The following ENPP6 variants were observed in gnomAD, a reference collection of about 807,000 sequenced individuals.
ENPP6 encodes the protein ectonucleotide pyrophosphatase/phosphodiesterase 6.
A neutral mutation model predicts 42.0 loss-of-function variants in ENPP6; 32 were observed. The ratio of observed to expected loss-of-function variants is 0.76; its 90% CI spans 0.58 to 1.02. The LOEUF is 1.02. ENPP6 is among the 50% of genes least tolerant of loss of function. The probability of loss-of-function intolerance (pLI) is 0.00; values close to 1 mark genes in which losing one functional copy is unlikely to be tolerated. For synonymous variants in ENPP6, 213 were observed against 216.0 expected (o/e 0.99, Z 0.12); for missense variants, 552 against 566.8 (o/e 0.97, Z 0.27).
chr4:184,152,603 C>T (rs185089469), intron 2 of ENPP6, among the ~76,000 whole-genome samples: 3 of 152,290 alleles, frequency 2.0e-5, no homozygotes, highest in African/African-American at 4.8e-5. Context: ...TCTATTGCCA[C>T]GGGCGTGGGA....
At chr4:184,208,264 G>T (rs1226249416) in intron 1 of ENPP6, among the ~76,000 whole-genome samples, 1 of 152,128 alleles carries the variant, frequency 6.6e-6, no homozygotes, top group Non-Finnish European at 1.5e-5. Flanking sequence ...AACAGCTCTG[G>T]TCTACAGCTC....
intron 2 of ENPP6, among the ~76,000 whole-genome samples, chr4:184,131,140 A>T (rs116624415): frequency 0.06 from 7,291 of 121,718 alleles, 482 homozygotes; most frequent in African/African-American, 0.13. Flanking sequence ...ACCAGCACTT[A>T]CTTTCTTTCT....
In ENPP6 at chr4:184,182,269, A is replaced by G. The variant is rs1048318409; in HGVS notation, c.242-28536T>C. ...ACAAACATAAGGGAAATAGCTCAACATCACTGATCATTAGAGAAATGCAAA... is the reference window on the plus strand; with the variant it reads ...ACAAACATAAGGGAAATAGCTCAACGTCACTGATCATTAGAGAAATGCAAA... On this transcript the variant is annotated intron_variant, in intron 1 of 7. Coordinates refer to ENST00000296741, the MANE Select transcript of ENPP6 (RefSeq NM_153343.4). Among the ~76,000 whole-genome samples, 3 of 152,328 alleles carry G rather than the reference A, an allele frequency of 2.0e-5. No homozygotes were observed. The South Asian group carries it at 6.2e-4, about 32-fold the overall frequency.
chr4:184,150,554 G>A (rs1280721597), intron 2 of ENPP6, among the ~76,000 whole-genome samples: 1 of 152,256 alleles, frequency 6.6e-6, no homozygotes, highest in African/African-American at 2.4e-5. Flanking sequence ...TATTGGCTGA[G>A]GCTGGAGGGA....
chr4:184,141,313 C>T (rs544279338), intron 2 of ENPP6, among the ~76,000 whole-genome samples: 56 of 152,252 alleles, frequency 3.7e-4, no homozygotes, highest in African/African-American at 1.1e-3. Context: ...CTGCTGCCTC[C>T]GGGCCATTTT....
At chr4:184,141,216 T>G (rs911990099) in intron 2 of ENPP6, among the ~76,000 whole-genome samples, 23 of 152,176 alleles carry the variant, frequency 1.5e-4, no homozygotes, top group African/African-American at 5.6e-4. Flanking sequence ...AGGAGGCAGC[T>G]GTCTAATCAG....
chr4:184,152,170 C>G (rs28496970), intron 2 of ENPP6, among the ~76,000 whole-genome samples: 69,692 of 151,672 alleles, frequency 0.46, 16,226 homozygotes, highest in Admixed American at 0.51. Flanking sequence ...GCAGCTTGTA[C>G]GGTGCGCGCC....
chr4:184,142,934 G>C (rs1442176723), intron 2 of ENPP6, among the ~76,000 whole-genome samples: 1 of 152,196 alleles, frequency 6.6e-6, no homozygotes, highest in Non-Finnish European at 1.5e-5. Context: ...ACCACGACTG[G>C]AATTACAGCC....
chr4:184,145,289 T>TC (rs113132301), intron 2 of ENPP6, among the ~76,000 whole-genome samples: 2,917 of 152,294 alleles, frequency 0.019, 75 homozygotes, highest in Middle Eastern at 0.065. Flanking sequence ...CCTTGCTGCT[T>TC]CCCCCTTTCA....
At chr4:184,183,904 C>T (rs1732593048) in intron 1 of ENPP6, among the ~76,000 whole-genome samples, 1 of 152,222 alleles carries the variant, frequency 6.6e-6, no homozygotes, top group Non-Finnish European at 1.5e-5. Flanking sequence ...AAGTGAAATG[C>T]ACCATTTCTA....
chr4:184,154,371 C>T (rs80146018), intron 1 of ENPP6, among the ~76,000 whole-genome samples: 1 of 152,168 alleles, frequency 6.6e-6, no homozygotes, highest in Non-Finnish European at 1.5e-5. Context: ...GAGACGCAAA[C>T]GCTTGGACTC....
intron 1 of ENPP6, among the ~76,000 whole-genome samples, chr4:184,204,276 A>C (rs1360561554): frequency 6.6e-6 from 1 of 152,186 alleles, no homozygotes; most frequent in African/African-American, 2.4e-5. Flanking sequence ...GGGGGTGTAC[A>C]AATTAGCCCA....
chr4:184,145,805 G>A lies in ENPP6; in HGVS notation c.421+7749C>T, dbSNP rs199547683. 1.9e-4 allele frequency among the ~76,000 whole-genome samples: 29 copies of A among 152,334 alleles called. No individual in the cohort carries two copies. The East Asian group carries it at 2.7e-3, about 14-fold the overall frequency. On this transcript the variant is annotated intron_variant, in intron 2 of 7. Transcript: ENST00000296741. ...AAGTGAATGCAGTTTGAAAACCTCC[G>A]ATAGATGTGCGATGCGTGTCAGGGA...
chr4:184,145,562 C>T (rs1736904478), intron 2 of ENPP6, among the ~76,000 whole-genome samples: 1 of 152,218 alleles, frequency 6.6e-6, no homozygotes, highest in Non-Finnish European at 1.5e-5. Flanking sequence ...TAATTAGGCT[C>T]TAAGCTCCTC....
At chr4:184,175,024 C>G (rs969901142) in intron 1 of ENPP6, among the ~76,000 whole-genome samples, 1 of 152,218 alleles carries the variant, frequency 6.6e-6, no homozygotes, top group African/African-American at 2.4e-5. Flanking sequence ...CCTAACAAGG[C>G]GCTGGGCTCA....
At chr4:184,098,939 A>G (rs1370733053) in intron 6 of ENPP6, among the ~76,000 whole-genome samples, 7 of 152,242 alleles carry the variant, frequency 4.6e-5, no homozygotes, top group African/African-American at 2.4e-5. Flanking sequence ...CTAAGCTACC[A>G]GCAATTTACA....
intron 2 of ENPP6, among the ~76,000 whole-genome samples, chr4:184,146,108 ATT>A (rs1249001761): frequency 2.0e-5 from 3 of 150,628 alleles, no homozygotes; most frequent in Non-Finnish European, 4.4e-5. Flanking sequence ...TTTTCAGCCA[ATT>A]TTCAAGCGTT....
At chr4:184,208,209 G>C (rs2111121572) in intron 1 of ENPP6, among the ~76,000 whole-genome samples, 1 of 152,164 alleles carries the variant, frequency 6.6e-6, no homozygotes, top group Middle Eastern at 3.4e-3. Flanking sequence ...CTGGTGAAAG[G>C]CCTGTTTTAA....
intron 1 of ENPP6, among the ~76,000 whole-genome samples, chr4:184,178,385 C>A (rs964552409): frequency 6.6e-6 from 1 of 152,074 alleles, no homozygotes; most frequent in Non-Finnish European, 1.5e-5. Flanking sequence ...AAAGACCAAA[C>A]CTATGACTGA....
Sources: allele counts gnomAD v4.1 joint callset (sites outside exome capture counted in the v4.1 genomes callset), GRCh38; gene constraint gnomAD v4.1.1; transcripts MANE v1.5; gene names NCBI Gene and HGNC (gene_info 2026-07-23, HGNC 2026-07-21).